Variants in G2E3 observed in about 807,000 individuals in gnomAD.
G2E3 encodes the protein G2/M-phase specific E3 ubiquitin protein ligase.
Under a neutral mutation model 92.8 loss-of-function variants are expected in G2E3, and 35 were observed. That is an observed-to-expected ratio of 0.38 (90% CI 0.29 to 0.50). G2E3 has a LOEUF of 0.50. G2E3 is among the 20% of genes least tolerant of loss of function. G2E3 has a pLI of 0.94. For missense variants in G2E3, 554 were observed against 823.8 expected (o/e 0.67, Z 4.01); for synonymous variants, 242 against 272.4 (o/e 0.89, Z 1.10).
In G2E3 at chr14:30,597,448, T is replaced by G; in HGVS notation, c.557T>G (p.Phe186Cys). ...CAAGCAATAAATGCGGGAGTGTTTTTCTTTAGGTGTACAATATGCAATAAT... is the reference window on the plus strand; with the variant it reads ...CAAGCAATAAATGCGGGAGTGTTTTGCTTTAGGTGTACAATATGCAATAAT... Reference protein sequence around the residue: ...QVQAINAGVFFFRCTICNNSD... With the variant: ...QVQAINAGVFCFRCTICNNSD... Residue 186 changes from phenylalanine to cysteine, a missense_variant, in exon 7 of 15, where the codon TTC (phenylalanine) becomes TGC (cysteine). By Grantham distance (205) the Phe-to-Cys change is radical (BLOSUM62 -2). Transcript: ENST00000206595. The G allele has an allele frequency of 6.3e-7, 1 of 1,592,198 alleles. No homozygotes were observed. Among genetic ancestry groups the G allele is most frequent in the South Asian group, 1.1e-5 (1 of 90,562 alleles).
At chr14:30,561,769 CTG>C (rs1879115549) in intron 1 of G2E3, among the ~76,000 whole-genome samples, 1 of 151,710 alleles carries the variant, frequency 6.6e-6, no homozygotes, top group Admixed American at 6.6e-5. Flanking sequence ...TACTCTGAAA[CTG>C]TGTATGTTCA....
At chr14:30,610,163 A>G (rs567016771) in intron 12 of G2E3, among the ~76,000 whole-genome samples, 3 of 152,146 alleles carry the variant, frequency 2.0e-5, no homozygotes, top group African/African-American at 4.8e-5. Context: ...TTGTTCATTT[A>G]TTTAAGAAAT....
At position 30,619,208 on chromosome 14, in the gene G2E3, G is replaced by C. The variant is rs1882451661; in HGVS notation, c.*2674G>C. 6.6e-6 allele frequency: 1 copy of C among 152,018 alleles called. No individual in the cohort carries two copies. Among genetic ancestry groups the C allele is most frequent in the Admixed American group, 6.5e-5 (1 of 15,284 alleles). 9.4% of individuals were successfully genotyped at this position (152,018 alleles called of 1,614,324 possible). A position where few individuals can be genotyped will look rare whatever the true frequency, so the allele number is the denominator to read the frequency against. On this transcript the variant is annotated 3_prime_UTR_variant, in exon 15 of 15. Coordinates refer to ENST00000206595, the MANE Select transcript of G2E3 (RefSeq NM_017769.5). The stretch of plus-strand genomic sequence containing the variant: ...AAGTGACTTTTTTTGTTTGGGTTAA[G>C]TAAAAAGCCTTTGATTGATTACCAG...
chr14:30,590,793 TC>T (rs1339624469), intron 4 of G2E3: 1 of 454,692 alleles, frequency 2.2e-6, no homozygotes, highest in Non-Finnish European at 4.4e-6. Flanking sequence ...TTCCTAAACT[TC>T]CTGGTGATAG....
rs1471291045 is a variant in G2E3 at position 30,611,045 on chromosome 14, TC to T, written c.1501-1160del. Among the ~76,000 whole-genome samples the T allele has an allele frequency of 2.6e-5, 4 of 152,390 alleles. No individual in the cohort carries two copies. In the South Asian group the frequency reaches 8.3e-4, roughly 32 times the overall value. On this transcript the variant is annotated intron_variant, in intron 12 of 14. Transcript: ENST00000206595. ...TACAAAACCGTCTAAGGACTTGAGT[TC>T]CTTCCTCTCATTATCGTGTAACACT...
At chr14:30,598,655 G>T in intron 8 of G2E3, 56 bp downstream of exon 8, 1 of 1,090,910 alleles carries the variant, frequency 9.2e-7, no homozygotes, top group Non-Finnish European at 1.4e-6. Context: ...CTTCTGCTGA[G>T]AAAGTAGATT....
intron 1 of G2E3, among the ~76,000 whole-genome samples, chr14:30,565,908 G>A (rs546624189): frequency 1.2e-4 from 18 of 151,720 alleles, no homozygotes; most frequent in African/African-American, 3.1e-4. Context: ...ATGATCTGTC[G>A]CCTCGGCCTC....
chr14:30,589,069 T>A (rs1003053350), intron 3 of G2E3, among the ~76,000 whole-genome samples: 1 of 152,074 alleles, frequency 6.6e-6, no homozygotes, highest in Non-Finnish European at 1.5e-5. Flanking sequence ...CTTTCTTTTT[T>A]TCTTCCTCTA....
intron 1 of G2E3, among the ~76,000 whole-genome samples, chr14:30,563,966 G>A (rs191781429): frequency 6.2e-4 from 94 of 152,204 alleles, no homozygotes; most frequent in African/African-American, 1.3e-3. Context: ...GGATCTGCCC[G>A]CTTCAGCCTC....
At position 30,578,779 on chromosome 14, in the gene G2E3, G is replaced by T. The variant is rs147650086; in HGVS notation, c.-4-2297G>T. 1.2e-3 allele frequency among the ~76,000 whole-genome samples: 176 copies of T among 152,266 alleles called. No homozygotes were observed. The Middle Eastern group carries it at 0.017, about 15-fold the overall frequency. On this transcript the variant is annotated intron_variant, in intron 1 of 14. Transcript: ENST00000206595. ...TCATCACCAGAGGTTGAACTGTAGA[G>T]AAGTCCTTTAAGAGGAGGCATTTTA...
rs904657237 is a variant in G2E3, at chr14:30,619,187, G to T, written c.*2653G>T. Reference sequence around the variant, plus strand: ...TTTAGTTTCTGTAATTTGAGGAAGTGACTTTTTTTGTTTGGGTTAAGTAAA... The same window carrying T: ...TTTAGTTTCTGTAATTTGAGGAAGTTACTTTTTTTGTTTGGGTTAAGTAAA... On this transcript the variant is annotated 3_prime_UTR_variant, in exon 15 of 15. Coordinates refer to ENST00000206595, the MANE Select transcript of G2E3 (RefSeq NM_017769.5). The T allele has an allele frequency of 6.6e-6, 1 of 152,040 alleles. No homozygotes were observed. The highest frequency in any genetic ancestry group is 2.4e-5 in the African/African-American group (1 of 41,436). The allele number at this position is 152,040 out of a possible 1,614,324, so 9.4% of individuals were successfully genotyped here. A position where few individuals can be genotyped will look rare whatever the true frequency, so the allele number is the denominator to read the frequency against.
rs1265606747 is a variant in G2E3, at chr14:30,562,800, T to C, written c.-5+3528T>C. Among the ~76,000 whole-genome samples the C allele has an allele frequency of 2.0e-5, 3 of 152,142 alleles. No homozygotes were observed. In the East Asian group the frequency reaches 5.8e-4, roughly 29 times the overall value. On this transcript the variant is annotated intron_variant, in intron 1 of 14. Transcript: ENST00000206595. ...CTGCCTTTTAGATAGCGGTAGCAAA[T>C]TAGGGAAAGTACTAAAAGTCTTTGA...
intron 1 of G2E3, among the ~76,000 whole-genome samples, chr14:30,562,729 G>T (rs971758061): frequency 6.6e-6 from 1 of 152,174 alleles, no homozygotes; most frequent in African/African-American, 2.4e-5. Flanking sequence ...TGCTTCAATG[G>T]TCACACTCCT....
At chr14:30,610,368 C>T (rs2138909747) in intron 12 of G2E3, among the ~76,000 whole-genome samples, 1 of 152,308 alleles carries the variant, frequency 6.6e-6, no homozygotes, top group Admixed American at 6.5e-5. Flanking sequence ...GTAATCCCAA[C>T]ACTTTGGGAG....
intron 12 of G2E3, among the ~76,000 whole-genome samples, chr14:30,608,340 C>G (rs925577901): frequency 2.6e-5 from 4 of 152,134 alleles, no homozygotes; most frequent in African/African-American, 9.7e-5. Flanking sequence ...GAATACTCCT[C>G]AGAAATACAT....
intron 12 of G2E3, among the ~76,000 whole-genome samples, chr14:30,608,997 G>C (rs1881965012): frequency 6.6e-6 from 1 of 152,128 alleles, no homozygotes; most frequent in Non-Finnish European, 1.5e-5. Context: ...AAAAGCACAG[G>C]CTTGGAAGTC....
intron 2 of G2E3, among the ~76,000 whole-genome samples, chr14:30,585,929 GTTA>G (rs1880690451): frequency 6.6e-6 from 1 of 152,180 alleles, no homozygotes. Context: ...AGATTCTCCA[GTTA>G]TTATGCAGAA....
chr14:30,593,376 G>C (rs1881114110), intron 5 of G2E3, 98 bp from the exon 6 acceptor site: 8 of 619,004 alleles, frequency 1.3e-5, no homozygotes, highest in South Asian at 9.2e-5. Flanking sequence ...TTATGAGACA[G>C]ACACAAATGA....
chr14:30,596,203 A>G (rs992575098), intron 6 of G2E3, among the ~76,000 whole-genome samples: 1 of 150,384 alleles, frequency 6.6e-6, no homozygotes, highest in Non-Finnish European at 1.5e-5. Context: ...CCTCTTTATT[A>G]GCTTCTCTCT....
Sources: gnomAD v4.1 joint callset for allele counts (sites outside exome capture counted in the v4.1 genomes callset) on GRCh38, gnomAD v4.1.1 for gene constraint, MANE v1.5 for transcripts, NCBI Gene and HGNC (gene_info 2026-07-23, HGNC 2026-07-21) for gene names.